DNAJC13: variants seen among roughly 807,000 people sequenced by gnomAD.
DNAJC13 encodes the protein dnaJ homolog subfamily C member 13.
A neutral mutation model predicts 290.5 loss-of-function variants in DNAJC13; 75 were observed. The ratio of observed to expected loss-of-function variants is 0.26; its 90% CI spans 0.21 to 0.31. The LOEUF (loss-of-function observed/expected upper bound fraction) is 0.31. DNAJC13 is among the 10% of genes least tolerant of loss of function. The probability of loss-of-function intolerance (pLI) is 1.00; values close to 1 mark genes in which losing one functional copy is unlikely to be tolerated. For synonymous variants in DNAJC13, 862 were observed against 892.0 expected (o/e 0.97, Z 0.60); for missense variants, 2,260 against 2,674.5 (o/e 0.85, Z 3.42).
At position 132,456,592 on chromosome 3, in the gene DNAJC13, T is replaced by A. The variant is rs776648960; in HGVS notation, c.1179+12T>A. The A allele has an allele frequency of 6.2e-7, 1 of 1,613,618 alleles. No individual in the cohort carries two copies. Among genetic ancestry groups the A allele is most frequent in the Non-Finnish European group, 8.5e-7 (1 of 1,179,778 alleles). On this transcript the variant is annotated intron_variant, in intron 11 of 55. Coordinates refer to ENST00000260818, the MANE Select transcript of DNAJC13 (RefSeq NM_015268.4). ...CAGTAACACAAGATGTAAGCTAAGT[T>A]TTATCATAATTGTTCATTGTTACTA...
At chr3:132,432,616 A>G (rs931019096) in intron 1 of DNAJC13, among the ~76,000 whole-genome samples, 6 of 152,266 alleles carry the variant, frequency 3.9e-5, no homozygotes, top group African/African-American at 7.2e-5. Context: ...TAAGTGATAC[A>G]GTATTTTCAA....
At chr3:132,500,969 A>G in intron 39 of DNAJC13, 56 bp downstream of exon 39, 7 of 1,590,960 alleles carry the variant, frequency 4.4e-6, no homozygotes, top group South Asian at 1.1e-5. Context: ...CTTTTTGTCA[A>G]CTAGCCAGTT....
chr3:132,484,442 A>C, intron 28 of DNAJC13, 146 bp from the exon 29 acceptor site: 1 of 680,846 alleles, frequency 1.5e-6, no homozygotes, highest in Admixed American at 2.4e-5. Flanking sequence ...CAAAATACCT[A>C]ATCATGTTCC....
chr3:132,502,648 T>A (rs188380981), intron 40 of DNAJC13, among the ~76,000 whole-genome samples, 180 bp downstream of exon 40: 1 of 152,234 alleles, frequency 6.6e-6, no homozygotes, highest in Non-Finnish European at 1.5e-5. Context: ...TAATTGCTTA[T>A]GCTTAAAGGA....
At chr3:132,420,293 C>T (rs16839237) in intron 1 of DNAJC13, among the ~76,000 whole-genome samples, 1,710 of 152,322 alleles carry the variant, frequency 0.011, 35 homozygotes, top group African/African-American at 0.039. Flanking sequence ...GGTCAAGAAA[C>T]TGCTGTGATT....
chr3:132,420,891 T>G (rs1938935717), intron 1 of DNAJC13, among the ~76,000 whole-genome samples: 1 of 152,178 alleles, frequency 6.6e-6, no homozygotes. Flanking sequence ...ATGTCCAGCT[T>G]TTAACCAAAA....
intron 14 of DNAJC13, among the ~76,000 whole-genome samples, chr3:132,460,635 T>C (rs1377124557): frequency 6.6e-6 from 1 of 152,184 alleles, no homozygotes; most frequent in Non-Finnish European, 1.5e-5. Context: ...GGAAATAAAC[T>C]GCTCTAAAAA....
At chr3:132,513,162 C>T in intron 45 of DNAJC13, 63 bp downstream of exon 45, 1 of 1,333,358 alleles carries the variant, frequency 7.5e-7, no homozygotes, top group Non-Finnish European at 1.1e-6. Context: ...TAATTTGAGT[C>T]TCTATCAGTC....
chr3:132,434,423 A>G, intron 1 of DNAJC13, 115 bp from the exon 2 acceptor site: 1 of 653,098 alleles, frequency 1.5e-6, no homozygotes, highest in Non-Finnish European at 2.6e-6. Flanking sequence ...CTTGTAAAGG[A>G]TATACGGCAG....
intron 2 of DNAJC13, among the ~76,000 whole-genome samples, chr3:132,440,074 A>G (rs1933005889): frequency 6.6e-6 from 1 of 152,236 alleles, no homozygotes; most frequent in Admixed American, 6.5e-5. Context: ...CCTGGCCAAC[A>G]TTGTGAAATC....
chr3:132,438,502 T>C (rs1939436450), intron 2 of DNAJC13, among the ~76,000 whole-genome samples: 1 of 152,234 alleles, frequency 6.6e-6, no homozygotes, highest in Admixed American at 6.5e-5. Flanking sequence ...TTTTTTGTGA[T>C]TTTTGGGATT....
chr3:132,457,146 T>C, intron 12 of DNAJC13, 123 bp from the exon 13 acceptor site: 1 of 754,490 alleles, frequency 1.3e-6, no homozygotes, highest in Non-Finnish European at 2.1e-6. Flanking sequence ...ATTTCAGAGG[T>C]GGAATTTAAA....
chr3:132,425,628 C>G (rs1939069900), intron 1 of DNAJC13, among the ~76,000 whole-genome samples: 1 of 152,114 alleles, frequency 6.6e-6, no homozygotes, highest in Non-Finnish European at 1.5e-5. Context: ...ATGGGAAAAT[C>G]AGTAGCTTAC....
At chr3:132,506,045 C>CTTTTTTTTTTTTTTTTTTTTTT (rs573857472) in intron 42 of DNAJC13, among the ~76,000 whole-genome samples, 2 of 72,676 alleles carry the variant, frequency 2.8e-5, no homozygotes, top group Non-Finnish European at 5.4e-5. Context: ...TGTACATTAT[C>CTTTTTTTTTTTTTTTTTTTTTT]TTTTTTTTTT....
chr3:132,456,151 C>G (rs1933591691), intron 9 of DNAJC13, 84 bp from the exon 10 acceptor site: 26 of 1,278,296 alleles, frequency 2.0e-5, no homozygotes, highest in Non-Finnish European at 2.7e-5. Context: ...AGATTACCTG[C>G]TAAAGGGCCT....
At chr3:132,508,938 A>G (rs1187481091) in intron 43 of DNAJC13, among the ~76,000 whole-genome samples, 1 of 152,212 alleles carries the variant, frequency 6.6e-6, no homozygotes, top group Non-Finnish European at 1.5e-5. Context: ...GCTCGTTGGC[A>G]ATGCACCTGG....
chr3:132,533,704 T>C (rs1936499947), intron 55 of DNAJC13, among the ~76,000 whole-genome samples: 1 of 152,162 alleles, frequency 6.6e-6, no homozygotes, highest in Admixed American at 6.6e-5. Flanking sequence ...AATAGTAATG[T>C]GTATATTATA....
chr3:132,451,903 G>C (rs1933427595), intron 6 of DNAJC13, among the ~76,000 whole-genome samples: 1 of 152,174 alleles, frequency 6.6e-6, no homozygotes, highest in South Asian at 2.1e-4. Context: ...TTCCCCACTT[G>C]ATGGGTACCA....
chr3:132,426,206 A>G (rs986845353), intron 1 of DNAJC13, among the ~76,000 whole-genome samples: 2 of 152,332 alleles, frequency 1.3e-5, no homozygotes, highest in Middle Eastern at 3.4e-3. Context: ...GGACAGTTCT[A>G]TAAAAAGAAC....
Sources: allele counts gnomAD v4.1 joint callset (sites outside exome capture counted in the v4.1 genomes callset), GRCh38; gene constraint gnomAD v4.1.1; transcripts MANE v1.5; gene names NCBI Gene and HGNC (gene_info 2026-07-23, HGNC 2026-07-21).